The following PHLPP1 variants were observed in gnomAD, a reference collection of about 807,000 sequenced individuals.
PHLPP1 encodes PH domain leucine-rich repeat-containing protein phosphatase 1.
A neutral mutation model predicts 117.2 loss-of-function variants in PHLPP1; 42 were observed. The observed-to-expected ratio is 0.36, with a 90% CI of 0.28 to 0.46. The LOEUF is 0.46. Among genes scored for constraint, PHLPP1 ranks in the 20% least tolerant of loss-of-function variants. PHLPP1 has a pLI of 1.00. For synonymous variants in PHLPP1, 1,042 were observed against 970.7 expected, an observed-to-expected ratio of 1.07 and a Z score of -1.37; for missense variants, 2,084 against 2,241.9, an observed-to-expected ratio of 0.93 and a Z score of 1.42.
intron 1 of PHLPP1, among the ~76,000 whole-genome samples, chr18:62,792,742 C>T (rs187054328): frequency 9.1e-4 from 138 of 151,688 alleles, no homozygotes; most frequent in African/African-American, 3.2e-3. Flanking sequence ...TGGTGTGCAC[C>T]TAGGTTGCAG....
Position 62,776,531 on chromosome 18 carries a change from G to C in PHLPP1, c.1577-53504G>C, listed in dbSNP as rs556546021. Among the ~76,000 whole-genome samples, 7 of 151,432 alleles carry C rather than the reference G, an allele frequency of 4.6e-5. No individual in the cohort carries two copies. In the South Asian group the frequency reaches 1.2e-3, roughly 27 times the overall value. ...GCCATCACTTACTCTTTTTGCATCT[G>C]CTCACTTGTACTCAGTAGAATGACT... On this transcript the variant is annotated intron_variant, in intron 1 of 16. Coordinates refer to ENST00000262719, the MANE Select transcript of PHLPP1 (RefSeq NM_194449.4).
chr18:62,913,572 G>A (rs1200164518), intron 8 of PHLPP1, among the ~76,000 whole-genome samples: 5 of 152,040 alleles, frequency 3.3e-5, no homozygotes, highest in Admixed American at 3.3e-4. Flanking sequence ...TTGTCATAAT[G>A]TACGTACTGT....
intron 1 of PHLPP1, among the ~76,000 whole-genome samples, chr18:62,824,555 G>A (rs1403743068): frequency 6.6e-6 from 1 of 152,064 alleles, no homozygotes; most frequent in East Asian, 1.9e-4. Context: ...TTATTTTCTG[G>A]TGATGGTTTC....
At chr18:62,839,743 TATATA>T (rs1384378558) in intron 3 of PHLPP1, 2 of 146,534 alleles carry the variant, frequency 1.4e-5, no homozygotes, top group African/African-American at 2.5e-5. Flanking sequence ...TATATGTATA[TATATA>T]ATATAATATA....
intron 1 of PHLPP1, among the ~76,000 whole-genome samples, chr18:62,814,909 G>A (rs2144315094): frequency 6.6e-6 from 1 of 152,298 alleles, no homozygotes; most frequent in African/African-American, 2.4e-5. Flanking sequence ...CAGTAAAGTT[G>A]TGAGGTTTTG....
intron 2 of PHLPP1, 86 bp from the exon 3 acceptor site, chr18:62,838,698 C>T (rs752368553): frequency 7.2e-5 from 96 of 1,331,642 alleles, no homozygotes; most frequent in Non-Finnish European, 9.7e-5. Context: ...TCCATGCAGG[C>T]TCCTTGATCA....
intron 9 of PHLPP1, among the ~76,000 whole-genome samples, chr18:62,917,995 A>T (rs947463596): frequency 2.0e-5 from 3 of 152,106 alleles, no homozygotes; most frequent in African/African-American, 7.2e-5. Flanking sequence ...AACTGAGGTC[A>T]GGAGTTCAAG....
intron 1 of PHLPP1, among the ~76,000 whole-genome samples, chr18:62,750,477 A>G (rs977655701): frequency 3.9e-5 from 6 of 152,170 alleles, no homozygotes; most frequent in East Asian, 1.9e-4. Flanking sequence ...TCTTTTACGT[A>G]GGAGAAAAAG....
intron 10 of PHLPP1, among the ~76,000 whole-genome samples, chr18:62,934,744 C>A (rs1909920071): frequency 6.6e-6 from 1 of 152,172 alleles, no homozygotes; most frequent in African/African-American, 2.4e-5. Flanking sequence ...AACTTACCCC[C>A]AAAATGGAAA....
intron 16 of PHLPP1, among the ~76,000 whole-genome samples, chr18:62,977,647 T>A (rs1242233638): frequency 6.6e-6 from 1 of 152,220 alleles, no homozygotes; most frequent in Non-Finnish European, 1.5e-5. Flanking sequence ...ACCCACCTAG[T>A]CAAACCAAGG....
At position 62,753,302 on chromosome 18, in the gene PHLPP1, T is replaced by C. The variant is rs1599026657; in HGVS notation, c.1576+36043T>C. On this transcript the variant is annotated intron_variant, in intron 1 of 16. Coordinates refer to ENST00000262719, the MANE Select transcript of PHLPP1 (RefSeq NM_194449.4). ...CACAGTATTCTATATGATTTATCAT[T>C]TTAATGTGCTCTTTTCTGATTTAAT... 3.3e-5 allele frequency among the ~76,000 whole-genome samples: 5 copies of C among 152,364 alleles called. No individual in the cohort carries two copies. The South Asian group carries it at 1.0e-3, about 32-fold the overall frequency.
intron 4 of PHLPP1, among the ~76,000 whole-genome samples, chr18:62,870,519 T>C (rs543328713): frequency 2.0e-5 from 3 of 152,348 alleles, no homozygotes; most frequent in African/African-American, 7.2e-5. Context: ...CTCTAATGTA[T>C]GTTTCACAGG....
chr18:62,821,548 C>CAAAAAAAAAAAAAAAAA (rs1568127680), intron 1 of PHLPP1, among the ~76,000 whole-genome samples: 3 of 29,318 alleles, frequency 1.0e-4, no homozygotes, highest in Non-Finnish European at 1.3e-4. Flanking sequence ...GACCCTTTAT[C>CAAAAAAAAAAAAAAAAA]CAAAAAAAAA....
chr18:62,964,509 C>T (rs1910852870), intron 14 of PHLPP1, among the ~76,000 whole-genome samples: 1 of 152,186 alleles, frequency 6.6e-6, no homozygotes, highest in Non-Finnish European at 1.5e-5. Context: ...GATCTTTTCC[C>T]CTTTCCCTAA....
chr18:62,941,802 A>G lies in PHLPP1; in HGVS notation c.3045A>G (p.Gln1015=). The G allele has an allele frequency of 6.2e-7, 1 of 1,613,958 alleles. No individual in the cohort carries two copies. Among genetic ancestry groups the G allele is most frequent in the Non-Finnish European group, 8.5e-7 (1 of 1,179,812 alleles). Residue 1015 remains glutamine (Q), a synonymous_variant, in exon 11 of 17, where the codon CAA becomes CAG. Transcript: ENST00000262719. ...CCGAAGAGACAAACAGTATCTTACA[A>G]GAGTTGTATTTGACAAATAACAGCC... is the stretch of plus-strand genomic sequence containing the variant. ...TLSEETNSIL[Q]ELYLTNNSLT...
Position 62,972,449 on chromosome 18 carries a change from G to A in PHLPP1, c.3561-65G>A, listed in dbSNP as rs939130506. The A allele has an allele frequency of 4.9e-6, 7 of 1,424,092 alleles. No individual in the cohort carries two copies. In the African/African-American group the frequency reaches 8.5e-5, roughly 17 times the overall value. 88.2% of individuals were successfully genotyped at this position (1,424,092 alleles called of 1,614,324 possible). On this transcript the variant is annotated intron_variant, in intron 14 of 16. Coordinates refer to ENST00000262719, the MANE Select transcript of PHLPP1 (RefSeq NM_194449.4). Reference sequence around the variant, plus strand: ...CTGAGTTAGGAAAATCTTGAAATAAGCACTGGGCTGGGCCTGGAGCAGGAG... The same window carrying A: ...CTGAGTTAGGAAAATCTTGAAATAAACACTGGGCTGGGCCTGGAGCAGGAG...
intron 1 of PHLPP1, among the ~76,000 whole-genome samples, chr18:62,822,265 GTTTTT>G (rs56800588): frequency 1.3e-3 from 153 of 116,014 alleles, no homozygotes; most frequent in Non-Finnish European, 2.4e-3. Flanking sequence ...AGAAAATAGT[GTTTTT>G]TTTTTTTTTG....
intron 3 of PHLPP1, among the ~76,000 whole-genome samples, chr18:62,841,246 A>G (rs183149876): frequency 1.8e-3 from 280 of 151,670 alleles, no homozygotes; most frequent in African/African-American, 6.5e-3. Flanking sequence ...ATCTAATTCA[A>G]GATACCACAT....
chr18:62,864,894 A>G (rs1418947641), intron 4 of PHLPP1, among the ~76,000 whole-genome samples: 1 of 152,268 alleles, frequency 6.6e-6, no homozygotes, highest in Non-Finnish European at 1.5e-5. Context: ...ACTAGAATCT[A>G]ATAACAGGTA....
Sources: allele counts gnomAD v4.1 joint callset (sites outside exome capture counted in the v4.1 genomes callset), GRCh38; gene constraint gnomAD v4.1.1; transcripts MANE v1.5; gene names NCBI Gene and HGNC (gene_info 2026-07-23, HGNC 2026-07-21).